NAP1L4: variants seen among roughly 807,000 people sequenced by gnomAD.
NAP1L4 encodes nucleosome assembly protein 1 like 4.
A neutral mutation model predicts 58.2 loss-of-function variants in NAP1L4; 15 were observed. The observed-to-expected ratio is 0.26, with a 90% confidence interval of 0.17 to 0.40. The LOEUF (loss-of-function observed/expected upper bound fraction) is 0.40. Among genes scored for constraint, NAP1L4 ranks in the 10% least tolerant of loss-of-function variants. NAP1L4 has a pLI of 1.00. For synonymous variants in NAP1L4, 171 were observed against 155.6 expected (o/e 1.10, Z -0.74); for missense variants, 384 against 451.1 (o/e 0.85, Z 1.35).
At chr11:2,979,831 G>C (rs954350795) in intron 1 of NAP1L4, among the ~76,000 whole-genome samples, 2 of 151,736 alleles carry the variant, frequency 1.3e-5, no homozygotes, top group Non-Finnish European at 2.9e-5. Context: ...CCAGACTTCA[G>C]AATAACATTA....
intron 7 of NAP1L4, 66 bp from the exon 8 acceptor site, chr11:2,964,817 T>C: frequency 8.1e-7 from 1 of 1,229,792 alleles, no homozygotes; most frequent in South Asian, 1.3e-5. Flanking sequence ...TCCCGAAGAG[T>C]CATGGTTGCA....
chr11:2,954,485 A>G lies in NAP1L4; in HGVS notation c.1035+42T>C. ...TCAGGGCCACTCTGCACCAACAGAGATAAGCACCCAGGTGGAAGCCCCCCT... is the reference window on the plus strand; with the variant it reads ...TCAGGGCCACTCTGCACCAACAGAGGTAAGCACCCAGGTGGAAGCCCCCCT... On this transcript the variant is annotated intron_variant, in intron 12 of 15. Transcript: ENST00000380542. The surrounding 1 kb of genome is among the most constrained non-coding windows in gnomAD (Gnocchi z 4.8). The G allele has an allele frequency of 6.2e-7, 1 of 1,612,796 alleles. No homozygotes were observed. The highest frequency in any genetic ancestry group is 8.5e-7 in the Non-Finnish European group (1 of 1,178,908).
In NAP1L4 at chr11:2,971,441, G is replaced by A. The variant is rs1847631229; in HGVS notation, c.402+7C>T. ...AGAACATGAGTCACATGTTTCTAAA[G>A]ACTTACAGCCAATTTCTCTTCCTCT... On this transcript the variant is annotated splice_region_variant and intron_variant, in intron 6 of 15. Transcript: ENST00000380542. The surrounding 1 kb of genome is among the most constrained non-coding windows in gnomAD (Gnocchi z 4.2). 1 of 1,612,454 alleles carries A rather than the reference G, an allele frequency of 6.2e-7. No individual in the cohort carries two copies. Among genetic ancestry groups the A allele is most frequent in the African/African-American group, 1.3e-5 (1 of 75,002 alleles).
intron 7 of NAP1L4, among the ~76,000 whole-genome samples, chr11:2,967,858 C>G (rs898974549): frequency 6.6e-6 from 1 of 152,092 alleles, no homozygotes; most frequent in African/African-American, 2.4e-5. Context: ...AGAAGGGACA[C>G]CCCATTTAAA....
At position 2,955,725 on chromosome 11, in the gene NAP1L4, T is replaced by C; in HGVS notation, c.915+19A>G. On this transcript the variant is annotated intron_variant, in intron 11 of 15. Transcript: ENST00000380542. The surrounding 1 kb of genome is among the most constrained non-coding windows in gnomAD (Gnocchi z 4.2). ...AGAGACTTCAACAGGAAAATAAGACTATTAACAACAAATCTTACCAGTGAT... is the reference window on the plus strand; with the variant it reads ...AGAGACTTCAACAGGAAAATAAGACCATTAACAACAAATCTTACCAGTGAT... 6.2e-7 allele frequency: 1 copy of C among 1,609,454 alleles called. No homozygotes were observed. The highest frequency in any genetic ancestry group is 8.5e-7 in the Non-Finnish European group (1 of 1,176,802).
chr11:2,975,711 TA>T (rs1590256666), intron 4 of NAP1L4, among the ~76,000 whole-genome samples: 1 of 151,980 alleles, frequency 6.6e-6, no homozygotes, highest in Non-Finnish European at 1.5e-5. Context: ...GTGGTTCTCT[TA>T]GTTTAACTTA....
At chr11:2,950,878 C>T (rs1846188873) in intron 14 of NAP1L4, 1 of 180,002 alleles carries the variant, frequency 5.6e-6, no homozygotes, top group Admixed American at 6.0e-5. Context: ...TGTTCCTTAA[C>T]AAAAAGAGCC....
At chr11:2,990,643 C>A (rs184729854) in intron 1 of NAP1L4, 1 of 152,964 alleles carries the variant, frequency 6.5e-6, no homozygotes, top group East Asian at 1.9e-4. Flanking sequence ...ATTCCCTCTA[C>A]AGAAGCAGTA....
intron 1 of NAP1L4, among the ~76,000 whole-genome samples, chr11:2,982,123 GTC>G (rs1388151870): frequency 6.6e-6 from 1 of 152,126 alleles, no homozygotes; most frequent in East Asian, 1.9e-4. Flanking sequence ...CTTTGATAAT[GTC>G]TCTATGAACA....
At chr11:2,945,880 C>T (rs547369260) in intron 15 of NAP1L4, among the ~76,000 whole-genome samples, 7 of 152,274 alleles carry the variant, frequency 4.6e-5, no homozygotes, top group African/African-American at 1.4e-4. Context: ...CATTCAAATT[C>T]ATGGCATGTT....
In NAP1L4 at chr11:2,971,987, G is replaced by A. The variant is rs1289786903; in HGVS notation, c.315+115C>T. 9.2e-7 allele frequency: 1 copy of A among 1,085,288 alleles called. No homozygotes were observed. Among genetic ancestry groups the A allele is most frequent in the Non-Finnish European group, 1.3e-6 (1 of 787,874 alleles). The allele number at this position is 1,085,288 out of a possible 1,614,324, so 67.2% of individuals were successfully genotyped here. On this transcript the variant is annotated intron_variant, in intron 5 of 15. Transcript: ENST00000380542. The surrounding 1 kb of genome is among the most constrained non-coding windows in gnomAD (Gnocchi z 4.2). ...AGGTAGTCTAGACTAAGCTATGTTT[G>A]GCAGGTTAGATGCGTTCTTACCCTA...
At position 2,955,866 on chromosome 11, in the gene NAP1L4, C is replaced by G; in HGVS notation, c.893-100G>C. The G allele has an allele frequency of 9.3e-7, 1 of 1,071,612 alleles. No individual in the cohort carries two copies. Among genetic ancestry groups the G allele is most frequent in the South Asian group, 1.4e-5 (1 of 71,658 alleles). The allele number at this position is 1,071,612 out of a possible 1,614,324, so 66.4% of individuals were successfully genotyped here. A position where few individuals can be genotyped will look rare whatever the true frequency, so the allele number is the denominator to read the frequency against. The stretch of plus-strand genomic sequence containing the variant: ...AGCTGTGCTGGTAGATAAAATGTAA[C>G]ATTTCTCACCTCGAGGTTTAACAGA... On this transcript the variant is annotated intron_variant, in intron 10 of 15. Transcript: ENST00000380542. The surrounding 1 kb of genome is among the most constrained non-coding windows in gnomAD (Gnocchi z 4.2).
intron 7 of NAP1L4, among the ~76,000 whole-genome samples, chr11:2,965,399 T>C (rs569835691): frequency 4.6e-5 from 7 of 152,360 alleles, no homozygotes; most frequent in African/African-American, 7.2e-5. Flanking sequence ...CAGCTGGTGA[T>C]GGTACTTATT....
chr11:2,970,469 G>GCTCA (rs566193214), intron 6 of NAP1L4, among the ~76,000 whole-genome samples: 85 of 152,124 alleles, frequency 5.6e-4, no homozygotes, highest in African/African-American at 2.0e-3. Context: ...GCAAGAAAGT[G>GCTCA]CTCAGCAACT....
At chr11:2,989,156 G>A (rs1848812108) in intron 1 of NAP1L4, 1 of 152,192 alleles carries the variant, frequency 6.6e-6, no homozygotes, top group Non-Finnish European at 1.5e-5. Flanking sequence ...AAATTCAGCT[G>A]AGGCCAGGTA....
In NAP1L4 at chr11:2,948,969, C is replaced by G. The variant is rs555073696; in HGVS notation, c.*32+258G>C. ...GGGCCCTCTTACTGGAAAGCAGTAC[C>G]ATCAGCAATGAAAATTACACCCAAG... On this transcript the variant is annotated intron_variant, in intron 15 of 15. Transcript: ENST00000380542. This position sits in a 1 kb window ranked among gnomAD's most constrained non-coding sequence, Gnocchi z 5.1. 6.6e-6 allele frequency among the ~76,000 whole-genome samples: 1 copy of G among 152,284 alleles called. No homozygotes were observed. The highest frequency in any genetic ancestry group is 2.4e-5 in the African/African-American group (1 of 41,548).
At chr11:2,967,933 C>T (rs1847384720) in intron 7 of NAP1L4, among the ~76,000 whole-genome samples, 1 of 152,168 alleles carries the variant, frequency 6.6e-6, no homozygotes, top group South Asian at 2.1e-4. Flanking sequence ...CCAGTGACCC[C>T]AATGCCATAA....
chr11:2,971,674 G>A lies in NAP1L4; in HGVS notation c.316-140C>T. ...CTTATTTTAAGATTCTAAATTTTAG[G>A]GTTCAAAGAAAAATATTAAATGATT... On this transcript the variant is annotated intron_variant, in intron 5 of 15. Coordinates refer to ENST00000380542, the MANE Select transcript of NAP1L4 (RefSeq NM_005969.4). The surrounding 1 kb of genome is among the most constrained non-coding windows in gnomAD (Gnocchi z 4.2). The A allele has an allele frequency of 4.3e-6, 3 of 702,406 alleles. No homozygotes were observed. The highest frequency in any genetic ancestry group is 2.2e-5 in the South Asian group (1 of 45,112). The allele number at this position is 702,406 out of a possible 1,614,324, so 43.5% of individuals were successfully genotyped here.
rs1402551027 is a variant in NAP1L4 at position 2,967,720 on chromosome 11, C to A, written c.534+2083G>T. ...ACAAATAACATTTCCTCATTCTCTG[C>A]ATATTAAATGAGTACTCTATCAACC... On this transcript the variant is annotated intron_variant, in intron 7 of 15. Transcript: ENST00000380542. 2.6e-5 allele frequency among the ~76,000 whole-genome samples: 4 copies of A among 151,982 alleles called. No individual in the cohort carries two copies. The East Asian group carries it at 5.8e-4, about 22-fold the overall frequency.
Sources: gnomAD v4.1 joint callset for allele counts (sites outside exome capture counted in the v4.1 genomes callset) on GRCh38, gnomAD v4.1.1 for gene constraint, Gnocchi (gnomAD v3.1) non-coding constraint, MANE v1.5 for transcripts, NCBI Gene and HGNC (gene_info 2026-07-23, HGNC 2026-07-21) for gene names.